The following FAM76B variants were observed in gnomAD, a reference collection of about 807,000 sequenced individuals.
FAM76B encodes protein FAM76B.
Under a neutral mutation model 51.8 loss-of-function variants are expected in FAM76B, and 16 were observed. The ratio of observed to expected loss-of-function variants is 0.31; its 90% CI spans 0.21 to 0.47. The LOEUF is 0.47. FAM76B is among the 20% of genes least tolerant of loss of function. The probability of loss-of-function intolerance (pLI) is 1.00; values close to 1 mark genes in which losing one functional copy is unlikely to be tolerated. For missense variants in FAM76B, 342 were observed against 392.6 expected, an observed-to-expected ratio of 0.87 and a Z score of 1.09; for synonymous variants, 166 against 129.5, an observed-to-expected ratio of 1.28 and a Z score of -1.91.
intron 6 of FAM76B, 28 bp from the exon 7 acceptor site, chr11:95,779,715 T>TA (rs749684712): frequency 4.0e-5 from 64 of 1,599,564 alleles, no homozygotes; most frequent in Admixed American, 2.6e-4. Context: ...TAAGAATAGT[T>TA]AGAGTAAAAA....
chr11:95,788,488 A>G lies in FAM76B; in HGVS notation c.152+11T>C, dbSNP rs746373331. The G allele has an allele frequency of 5.6e-6, 9 of 1,600,366 alleles. No individual in the cohort carries two copies. The highest frequency in any genetic ancestry group is 1.7e-5 in the Admixed American group (1 of 59,776). On this transcript the variant is annotated intron_variant, in intron 2 of 9. Coordinates refer to ENST00000358780, the MANE Select transcript of FAM76B (RefSeq NM_144664.5). The stretch of plus-strand genomic sequence containing the variant: ...TGTCTTTAACAGTCAAAAACTATTC[A>G]GTATACAAACCTCTCTTGTTGAAAT...
Position 95,769,549 on chromosome 11 carries a change from G to A in FAM76B, c.*2012C>T, listed in dbSNP as rs1048635318. On this transcript the variant is annotated 3_prime_UTR_variant, in exon 10 of 10. Coordinates refer to ENST00000358780, the MANE Select transcript of FAM76B (RefSeq NM_144664.5). The stretch of plus-strand genomic sequence containing the variant: ...AATTTTGATGTTAGCTAAGGGGAAG[G>A]ACGAGGACAACTTTCTTTTGTAGTT... The A allele has an allele frequency of 6.6e-6, 1 of 151,956 alleles. No homozygotes were observed. Among genetic ancestry groups the A allele is most frequent in the African/African-American group, 2.4e-5 (1 of 41,338 alleles). The allele number at this position is 151,956 out of a possible 1,614,324, so 9.4% of individuals were successfully genotyped here.
chr11:95,770,300 T>A lies in FAM76B; in HGVS notation c.*1261A>T, dbSNP rs1326766549. The A allele has an allele frequency of 6.6e-6, 1 of 151,842 alleles. No individual in the cohort carries two copies. 9.4% of individuals were successfully genotyped at this position (151,842 alleles called of 1,614,324 possible). A position where few individuals can be genotyped will look rare whatever the true frequency, so the allele number is the denominator to read the frequency against. ...ACAATTTTAAAGACTTTAGGACAAT[T>A]TACTTATAATGCCTGAATCTTATAG... is the stretch of plus-strand genomic sequence containing the variant. On this transcript the variant is annotated 3_prime_UTR_variant, in exon 10 of 10. Transcript: ENST00000358780.
At chr11:95,776,064 CAT>C in intron 8 of FAM76B, 41 bp from the exon 9 acceptor site, 1 of 1,037,878 alleles carries the variant, frequency 9.6e-7, no homozygotes. Flanking sequence ...TATTTGCACA[CAT>C]ACACACACAC....
Position 95,771,188 on chromosome 11 carries a change from A to G in FAM76B, c.*373T>C, listed in dbSNP as rs1449270318. Reference sequence around the variant, plus strand: ...TGAAAACTGTTTGTCTGAAATTAGCATAGTGTAAAACAAAAACAAAACAAA... The same window carrying G: ...TGAAAACTGTTTGTCTGAAATTAGCGTAGTGTAAAACAAAAACAAAACAAA... On this transcript the variant is annotated 3_prime_UTR_variant, in exon 10 of 10. Coordinates refer to ENST00000358780, the MANE Select transcript of FAM76B (RefSeq NM_144664.5). 1 of 152,338 alleles carries G rather than the reference A, an allele frequency of 6.6e-6. No homozygotes were observed. The highest frequency in any genetic ancestry group is 1.5e-5 in the Non-Finnish European group (1 of 67,880). 9.4% of individuals were successfully genotyped at this position (152,338 alleles called of 1,614,324 possible).
chr11:95,789,367 C>T, intron 1 of FAM76B, 25 bp downstream of exon 1: 1 of 1,572,972 alleles, frequency 6.4e-7, no homozygotes, highest in Non-Finnish European at 8.6e-7. Context: ...ACACCCATCC[C>T]GCCCGCCTCC....
rs1368967120 is a variant in FAM76B at position 95,771,528 on chromosome 11, A to G, written c.*33T>C. On this transcript the variant is annotated 3_prime_UTR_variant, in exon 10 of 10. Transcript: ENST00000358780. ...CAGAATTTTTTTTCCCCAAATTTAC[A>G]TTGTAAGAAGAAATGCTAAACAAAT... 3.8e-6 allele frequency: 6 copies of G among 1,565,094 alleles called. No homozygotes were observed. The highest frequency in any genetic ancestry group is 5.2e-6 in the Non-Finnish European group (6 of 1,143,734).
Position 95,783,086 on chromosome 11 carries a change from CGATGGTGATGGTGAT to C in FAM76B, c.527_541del (p.His176_His180del), listed in dbSNP as rs1169877627. On this transcript the variant is annotated inframe_deletion, in exon 5 of 10. Transcript: ENST00000358780. ...TTACTTGTGATGGCTACTGCTGTGACGATGGTGATGGTGATGATGGTGGTGATGATGTTTTGGATG... is the reference window on the plus strand; with the variant it reads ...TTACTTGTGATGGCTACTGCTGTGACGATGGTGGTGATGATGTTTTGGATG... 1 of 1,613,456 alleles carries C rather than the reference CGATGGTGATGGTGAT, an allele frequency of 6.2e-7. No homozygotes were observed. The highest frequency in any genetic ancestry group is 1.3e-5 in the African/African-American group (1 of 74,882).
intron 3 of FAM76B, among the ~76,000 whole-genome samples, chr11:95,787,130 G>A (rs1384695474): frequency 3.9e-5 from 6 of 152,118 alleles, no homozygotes; most frequent in African/African-American, 1.2e-4. Context: ...ATGTAAAACA[G>A]GTATATAATT....
chr11:95,770,660 A>G lies in FAM76B; in HGVS notation c.*901T>C, dbSNP rs1263515830. The stretch of plus-strand genomic sequence containing the variant: ...AATTCAAAGACCAACAGCTTCCCTT[A>G]TCACACAGAAACAAATCACAAAATT... On this transcript the variant is annotated 3_prime_UTR_variant, in exon 10 of 10. Coordinates refer to ENST00000358780, the MANE Select transcript of FAM76B (RefSeq NM_144664.5). 6.6e-6 allele frequency: 1 copy of G among 151,786 alleles called. No homozygotes were observed. The highest frequency in any genetic ancestry group is 1.5e-5 in the Non-Finnish European group (1 of 67,454). The allele number at this position is 151,786 out of a possible 1,614,324, so 9.4% of individuals were successfully genotyped here.
rs1860859962 is a variant in FAM76B at position 95,789,479 on chromosome 11, C to G, written c.-1G>C. On this transcript the variant is annotated 5_prime_UTR_variant, in exon 1 of 10. Transcript: ENST00000358780. ...AGGCGTACAGGGCCGAGGCCGCCAT[C>G]CTGCTCCTCAGTCTCCTCCTCCGCC... is the stretch of plus-strand genomic sequence containing the variant. The G allele has an allele frequency of 6.2e-7, 1 of 1,603,032 alleles. No homozygotes were observed. Among genetic ancestry groups the G allele is most frequent in the African/African-American group, 1.3e-5 (1 of 74,702 alleles).
rs1860187695 is a variant in FAM76B, at chr11:95,780,012, TTTTATG to T, written c.564-92_564-87del. 10 of 1,245,212 alleles carry T rather than the reference TTTTATG, an allele frequency of 8.0e-6. 1 individual carries two copies. In the South Asian group the frequency reaches 1.3e-4, roughly 16 times the overall value. 77.1% of individuals were successfully genotyped at this position (1,245,212 alleles called of 1,614,324 possible). ...AACATTCTTTCTCAATGGATACAAA[TTTTATG>T]TTTATAATATTTTCTTCAGAGAAAG... is the stretch of plus-strand genomic sequence containing the variant. On this transcript the variant is annotated intron_variant, in intron 5 of 9. Transcript: ENST00000358780.
At chr11:95,778,072 C>T (rs1860090287) in intron 8 of FAM76B, among the ~76,000 whole-genome samples, 1 of 151,244 alleles carries the variant, frequency 6.6e-6, no homozygotes. Flanking sequence ...AACTGAGGTC[C>T]AAAGAAGCAC....
In FAM76B at chr11:95,789,384, C is replaced by T. The variant is rs1403486509; in HGVS notation, c.87+8G>A. On this transcript the variant is annotated splice_region_variant and intron_variant, in intron 1 of 9. Transcript: ENST00000358780. The stretch of plus-strand genomic sequence containing the variant: ...ACCCATCCCGCCCGCCTCCCGGAGC[C>T]CACGGACCTTGCAGAGCTGCTGGCC... 1.3e-6 allele frequency: 2 copies of T among 1,590,858 alleles called. No homozygotes were observed. Among genetic ancestry groups the T allele is most frequent in the South Asian group, 2.3e-5 (2 of 87,532 alleles).
At chr11:95,789,148 T>C (rs1860812620) in intron 1 of FAM76B, 12 of 1,235,432 alleles carry the variant, frequency 9.7e-6, no homozygotes, top group Non-Finnish European at 1.2e-5. Context: ...CCCCAGACGC[T>C]GACGGGGCCC....
intron 5 of FAM76B, among the ~76,000 whole-genome samples, chr11:95,781,997 T>C (rs1312375903): frequency 2.0e-5 from 3 of 152,212 alleles, no homozygotes; most frequent in Non-Finnish European, 4.4e-5. Context: ...GTAAATTCTG[T>C]TTTAAATAAC....
At chr11:95,775,662 A>T (rs1859970645) in intron 9 of FAM76B, among the ~76,000 whole-genome samples, 2 of 151,454 alleles carry the variant, frequency 1.3e-5, no homozygotes, top group Non-Finnish European at 3.0e-5. Context: ...ACACACTCCA[A>T]TGATACCCTC....
chr11:95,789,393 T>C lies in FAM76B; in HGVS notation c.86A>G (p.Lys29Arg). Residue 29 changes from lysine to arginine, a missense_variant and splice_region_variant, in exon 1 of 10, where the codon AAG (lysine) becomes AGG (arginine). Transcript: ENST00000358780. ...GCCCGCCTCCCGGAGCCCACGGACC[T>C]TGCAGAGCTGCTGGCCCTGGGAGAG... ...EELSQGQQLC[K>R]ECRIAHPIVK... 6.3e-7 allele frequency: 1 copy of C among 1,597,918 alleles called. No individual in the cohort carries two copies. The highest frequency in any genetic ancestry group is 1.3e-5 in the African/African-American group (1 of 74,588).
rs943490736 is a variant in FAM76B, at chr11:95,769,183, A to T, written c.*2378T>A. On this transcript the variant is annotated 3_prime_UTR_variant, in exon 10 of 10. Transcript: ENST00000358780. ...AAAATGACCCTTACTGGTAAATGCT[A>T]ATTAATAGTGGAAAACAGGCTAAAA... is the stretch of plus-strand genomic sequence containing the variant. The T allele has an allele frequency of 1.5e-4, 23 of 152,344 alleles. No individual in the cohort carries two copies. Among genetic ancestry groups the T allele is most frequent in the African/African-American group, 5.6e-4 (23 of 41,410 alleles). The allele number at this position is 152,344 out of a possible 1,614,324, so 9.4% of individuals were successfully genotyped here. A position where few individuals can be genotyped will look rare whatever the true frequency, so the allele number is the denominator to read the frequency against.
Sources: allele counts gnomAD v4.1 joint callset (sites outside exome capture counted in the v4.1 genomes callset), GRCh38; gene constraint gnomAD v4.1.1; transcripts MANE v1.5; gene names NCBI Gene and HGNC (gene_info 2026-07-23, HGNC 2026-07-21).